Variants in GMCL2 observed in about 807,000 individuals in gnomAD.
The protein encoded by GMCL2 is germ cell-less 2, spermatogenesis associated, also known as germ cell-less protein-like 2.
In GMCL2, 33 loss-of-function variants were observed where a neutral mutation model predicts 36.2. That is an observed-to-expected ratio of 0.91 (90% confidence interval 0.69 to 1.22). GMCL2 has a LOEUF of 1.22. Among genes scored for constraint, GMCL2 ranks in the 50% most tolerant of loss-of-function variants. GMCL2 has a pLI of 0.00. For synonymous variants in GMCL2, 172 were observed against 184.3 expected (o/e 0.93, Z 0.54); for missense variants, 478 against 514.5 (o/e 0.93, Z 0.69).
In GMCL2 at chr5:178,186,029, T is replaced by C. The variant is rs775684517; in HGVS notation, c.1271A>G (p.Tyr424Cys). 1 of 770,222 alleles carries C rather than the reference T, an allele frequency of 1.3e-6. No homozygotes were observed. The highest frequency in any genetic ancestry group is 2.4e-6 in the Non-Finnish European group (1 of 412,584). The allele number at this position is 770,222 out of a possible 1,614,324, so 47.7% of individuals were successfully genotyped here. A position where few individuals can be genotyped will look rare whatever the true frequency, so the allele number is the denominator to read the frequency against. ...TTTGAAAATGATGTATCCATTGGTGTAAATTACAAGTAGGTCAAAGCCGAA... is the reference window on the plus strand; with the variant it reads ...TTTGAAAATGATGTATCCATTGGTGCAAATTACAAGTAGGTCAAAGCCGAA... ...FNFGFDLLVI[Y>C]TNGYIIFKRN... The change falls in exon 1 of 1, where the codon TAC (tyrosine) becomes TGC (cysteine). Residue 424 changes from tyrosine (Y) to cysteine (C), a missense_variant. Tyr to Cys is a radical substitution (Grantham distance 194). This residue lies in a region of GMCL2 where 135 missense variants were observed against 119.0 expected (regional missense o/e 1.13). Coordinates refer to ENST00000463439, the MANE Select transcript of GMCL2 (RefSeq NM_001358008.2).
At position 178,185,190 on chromosome 5, in the gene GMCL2, A is replaced by G. The variant is rs1429674170; in HGVS notation, c.*529T>C. Among the ~76,000 whole-genome samples, 1 of 152,212 alleles carries G rather than the reference A, an allele frequency of 6.6e-6. No individual in the cohort carries two copies. Reference sequence around the variant, plus strand: ...GGAAGAAAGTATTTAATGATTAAAAACAAGTATGAACTGGAAAGATATTAG... The same window carrying G: ...GGAAGAAAGTATTTAATGATTAAAAGCAAGTATGAACTGGAAAGATATTAG... On this transcript the variant is annotated 3_prime_UTR_variant, in exon 1 of 1. Transcript: ENST00000463439.
chr5:178,186,482 A>T lies in GMCL2; in HGVS notation c.818T>A (p.Met273Lys), dbSNP rs1756699463. Residue 273 changes from methionine (M) to lysine (K), a missense_variant, in exon 1 of 1, where the codon ATG (methionine) becomes AAG (lysine). Coordinates refer to ENST00000463439, the MANE Select transcript of GMCL2 (RefSeq NM_001358008.2). Reference protein sequence around the residue: ...SSNLFVMQVEMDVYTTLKKWM... With the variant: ...SSNLFVMQVEKDVYTTLKKWM... ...CTTTTTTAGAGTGGTGTATACATCC[A>T]TCTCCACTTGCATCACAAATAAGTT... The T allele has an allele frequency of 6.9e-7, 1 of 1,450,300 alleles. No homozygotes were observed. 89.8% of individuals were successfully genotyped at this position (1,450,300 alleles called of 1,614,324 possible).
Position 178,186,387 on chromosome 5 carries a change from A to G in GMCL2, c.913T>C (p.Trp305Arg). The G allele has an allele frequency of 6.2e-7, 1 of 1,607,000 alleles. No individual in the cohort carries two copies. Among genetic ancestry groups the G allele is most frequent in the Non-Finnish European group, 8.5e-7 (1 of 1,173,436 alleles). The change falls in exon 1 of 1, where the codon TGG becomes CGG. Residue 305 changes from tryptophan to arginine, a missense_variant. By Grantham distance (101) the Trp-to-Arg change is moderately radical. Around this residue, in one of 5 missense-constraint regions of GMCL2, gnomAD observed 175 missense variants for 208.0 expected, o/e 0.84. Coordinates refer to ENST00000463439, the MANE Select transcript of GMCL2 (RefSeq NM_001358008.2). ...LKQLLTETDV[W>R]FSKQRKDFEG... ...AAATCTTTTCTCTGTTTAGAAAACC[A>G]GACATCTGTTTCTGTCAAAAGCTGT...
In GMCL2 at chr5:178,186,366, C is replaced by A. The variant is rs1487397445; in HGVS notation, c.934G>T (p.Asp312Tyr). ...TDVWFSKQRK[D>Y]FEGMAFLETE... is the part of the protein sequence containing the mutation. The stretch of plus-strand genomic sequence containing the variant: ...TCAAGAAAGGCCATACCTTCAAAAT[C>A]TTTTCTCTGTTTAGAAAACCAGACA... Residue 312 changes from aspartate to tyrosine, a missense_variant, in exon 1 of 1, where the codon GAT becomes TAT. Coordinates refer to ENST00000463439, the MANE Select transcript of GMCL2 (RefSeq NM_001358008.2). The A allele has an allele frequency of 1.2e-5, 19 of 1,578,238 alleles. No individual in the cohort carries two copies. The highest frequency in any genetic ancestry group is 1.6e-5 in the Non-Finnish European group (18 of 1,147,490).
rs928523739 is a variant in GMCL2 at position 178,184,741 on chromosome 5, C to T, written c.*978G>A. On this transcript the variant is annotated 3_prime_UTR_variant, in exon 1 of 1. Coordinates refer to ENST00000463439, the MANE Select transcript of GMCL2 (RefSeq NM_001358008.2). ...CATTTTTACATTAATGCGTCATCAG[C>T]TTCTATGTTAGATCCTCTGACCTTA... Among the ~76,000 whole-genome samples the T allele has an allele frequency of 6.6e-6, 1 of 152,134 alleles. No individual in the cohort carries two copies. Among genetic ancestry groups the T allele is most frequent in the Non-Finnish European group, 1.5e-5 (1 of 68,026 alleles).
Position 178,187,313 on chromosome 5 carries a change from C to T in GMCL2, c.-14G>A, listed in dbSNP as rs534551550. ...CGACGATCCCATGGGTCACGGCTCCCCAGGACTTCAGGGAGCCCAGAGGAG... is the reference window on the plus strand; with the variant it reads ...CGACGATCCCATGGGTCACGGCTCCTCAGGACTTCAGGGAGCCCAGAGGAG... On this transcript the variant is annotated 5_prime_UTR_variant, in exon 1 of 1. Coordinates refer to ENST00000463439, the MANE Select transcript of GMCL2 (RefSeq NM_001358008.2). 1.2e-6 allele frequency: 1 copy of T among 824,168 alleles called. No individual in the cohort carries two copies. The highest frequency in any genetic ancestry group is 1.7e-5 in the South Asian group (1 of 60,112). The allele number at this position is 824,168 out of a possible 1,614,324, so 51.1% of individuals were successfully genotyped here.
In GMCL2 at chr5:178,185,984, G is replaced by T. The variant is rs757842612; in HGVS notation, c.1316C>A (p.Pro439Gln). 77 of 766,400 alleles carry T rather than the reference G, an allele frequency of 1.0e-4. No individual in the cohort carries two copies. The East Asian group carries it at 1.8e-3, about 18-fold the overall frequency. The allele number at this position is 766,400 out of a possible 1,614,324, so 47.5% of individuals were successfully genotyped here. ...CCGTAAACTGACAGACCCGCTGCGT[G>T]GCTGATTCAGTGTATTGCGTTTGAA... ...IIFKRNTLNQ[P>Q]RSGSVSLRPR... Residue 439 changes from proline (P) to glutamine (Q), a missense_variant, in exon 1 of 1, where the codon CCA becomes CAA. Pro to Gln is a moderately conservative substitution (Grantham distance 76, BLOSUM62 -1). Around this residue, in one of 5 missense-constraint regions of GMCL2, gnomAD observed 135 missense variants for 119.0 expected, o/e 1.13. Transcript: ENST00000463439.
At position 178,184,587 on chromosome 5, in the gene GMCL2, A is replaced by G. The variant is rs1455567275; in HGVS notation, c.*1132T>C. Among the ~76,000 whole-genome samples the G allele has an allele frequency of 6.6e-6, 1 of 152,222 alleles. No individual in the cohort carries two copies. The highest frequency in any genetic ancestry group is 2.4e-5 in the African/African-American group (1 of 41,460). ...AAAGCCAGAATAAAAATATACATTAACCACAGAAGTACTTACTCTAACTGG... is the reference window on the plus strand; with the variant it reads ...AAAGCCAGAATAAAAATATACATTAGCCACAGAAGTACTTACTCTAACTGG... On this transcript the variant is annotated 3_prime_UTR_variant, in exon 1 of 1. Transcript: ENST00000463439.
rs1252967715 is a variant in GMCL2, at chr5:178,186,921, A to G, written c.379T>C (p.Cys127Arg). 1.2e-5 allele frequency: 19 copies of G among 1,583,566 alleles called. No homozygotes were observed. The highest frequency in any genetic ancestry group is 1.6e-5 in the Non-Finnish European group (18 of 1,152,042). Residue 127 changes from cysteine to arginine, a missense_variant, in exon 1 of 1, where the codon TGT becomes CGT. Transcript: ENST00000463439. ...EEWRLHKIYLCQSGYFSSMFS... is the reference protein window; with the variant it reads ...EEWRLHKIYLRQSGYFSSMFS... The stretch of plus-strand genomic sequence containing the variant: ...ATACTAGAAAAGTAGCCAGATTGAC[A>G]TAAATATATTTTGTGTAATCGCCAT...
rs1756679843 is a variant in GMCL2, at chr5:178,185,454, A to T, written c.*265T>A. 6.6e-6 allele frequency among the ~76,000 whole-genome samples: 1 copy of T among 152,232 alleles called. No homozygotes were observed. The highest frequency in any genetic ancestry group is 1.5e-5 in the Non-Finnish European group (1 of 68,036). On this transcript the variant is annotated 3_prime_UTR_variant, in exon 1 of 1. Coordinates refer to ENST00000463439, the MANE Select transcript of GMCL2 (RefSeq NM_001358008.2). ...ATAAATGTGAGATTTACCTACAGTC[A>T]TTTTCTGCTGATGCTGAATTAAAAG...
Position 178,186,289 on chromosome 5 carries a change from T to G in GMCL2, c.1011A>C (p.Gln337His), listed in dbSNP as rs540252519. The G allele has an allele frequency of 3.7e-4, 417 of 1,142,090 alleles. 1 individual carries two copies. The highest frequency in any genetic ancestry group is 9.7e-4 in the Middle Eastern group (5 of 5,158). 70.7% of individuals were successfully genotyped at this position (1,142,090 alleles called of 1,614,324 possible). A position where few individuals can be genotyped will look rare whatever the true frequency, so the allele number is the denominator to read the frequency against. Residue 337 changes from glutamine (Q) to histidine (H), a missense_variant, in exon 1 of 1, where the codon CAA becomes CAC. Gln to His is a conservative substitution (Grantham distance 24). Around this residue, in one of 5 missense-constraint regions of GMCL2, gnomAD observed 5 missense variants for 23.0 expected, o/e 0.22. Transcript: ENST00000463439. ...FVSVFRHLRL[Q>H]YIISDLASAR... ...CAGAAGCTAGGTCACTGATAATATA[T>G]TGTAACCTTAAATGTCTGAATACTG...
rs560704677 is a variant in GMCL2 at position 178,187,105 on chromosome 5, G to A, written c.195C>T (p.Asp65=). ...SSGACRYCDP[D]SHREEHEEEG... ...CCTCCTCATGCTCCTCCCTGTGCGA[G>A]TCCGGGTCACAGTAGCGGCAGGCCC... Residue 65 remains aspartate, a synonymous_variant, in exon 1 of 1, where the codon GAC becomes GAT. Coordinates refer to ENST00000463439, the MANE Select transcript of GMCL2 (RefSeq NM_001358008.2). The A allele has an allele frequency of 1.6e-3, 1,682 of 1,067,596 alleles. 14 individuals are homozygous for A. The highest frequency in any genetic ancestry group is 0.016 in the South Asian group (1,167 of 74,882). 66.1% of individuals were successfully genotyped at this position (1,067,596 alleles called of 1,614,324 possible).
rs1176226207 is a variant in GMCL2 at position 178,187,139 on chromosome 5, C to T, written c.161G>A (p.Arg54Gln). Residue 54 changes from arginine (R) to glutamine (Q), a missense_variant, in exon 1 of 1, where the codon CGG (arginine) becomes CAG (glutamine). By Grantham distance (43) the Arg-to-Gln change is conservative. Transcript: ENST00000463439. Reference protein sequence around the residue: ...CYCPGSHKRKRSSGACRYCDP... With the variant: ...CYCPGSHKRKQSSGACRYCDP... ...ACAGTAGCGGCAGGCCCCGCTGCTC[C>T]GCTTGCGCTTGTGACTGCCCGGGCA... is the stretch of plus-strand genomic sequence containing the variant. The T allele has an allele frequency of 1.7e-6, 2 of 1,153,420 alleles. No individual in the cohort carries two copies. Among genetic ancestry groups the T allele is most frequent in the Non-Finnish European group, 2.6e-6 (2 of 782,850 alleles). The allele number at this position is 1,153,420 out of a possible 1,614,324, so 71.4% of individuals were successfully genotyped here.
At chr5:178,186,715 AC>A in the GMCL2 span, 1 of 1,461,024 alleles carries the variant, frequency 6.8e-7, no homozygotes, top group Non-Finnish European at 9.6e-7. Context: ...GCTGTATTAA[AC>A]CATCCAGCTG....
chr5:178,186,494 A>C lies in GMCL2; in HGVS notation c.806T>G (p.Met269Arg), dbSNP rs1756699576. 4.9e-6 allele frequency: 7 copies of C among 1,421,560 alleles called. No homozygotes were observed. The highest frequency in any genetic ancestry group is 7.0e-6 in the Non-Finnish European group (7 of 1,004,258). 88.1% of individuals were successfully genotyped at this position (1,421,560 alleles called of 1,614,324 possible). A position where few individuals can be genotyped will look rare whatever the true frequency, so the allele number is the denominator to read the frequency against. The change falls in exon 1 of 1, where the codon ATG becomes AGG. Residue 269 changes from methionine (M) to arginine (R), a missense_variant. Around this residue, in one of 5 missense-constraint regions of GMCL2, gnomAD observed 175 missense variants for 208.0 expected, o/e 0.84. Transcript: ENST00000463439. ...QLIGSSNLFV[M>R]QVEMDVYTTL... ...GGTGTATACATCCATCTCCACTTGCATCACAAATAAGTTAGAGGAACCAAT... is the reference window on the plus strand; with the variant it reads ...GGTGTATACATCCATCTCCACTTGCCTCACAAATAAGTTAGAGGAACCAAT...
Sources: gnomAD v4.1 joint callset for allele counts (sites outside exome capture counted in the v4.1 genomes callset) on GRCh38, gnomAD v4.1.1 for gene constraint, gnomAD v4.1.1 regional missense constraint, MANE v1.5 for transcripts, NCBI Gene and HGNC (gene_info 2026-07-23, HGNC 2026-07-21) for gene names.